Variants in PTPRD observed in about 807,000 individuals in gnomAD.
PTPRD encodes the protein receptor-type tyrosine-protein phosphatase delta.
Under a neutral mutation model 214.5 loss-of-function variants are expected in PTPRD, and 34 were observed. That is an observed-to-expected ratio of 0.16 (90% confidence interval 0.12 to 0.21). PTPRD has a LOEUF of 0.21. Ranked by LOEUF, PTPRD falls within the 10% of genes least tolerant of loss-of-function variation. The pLI, the probability that PTPRD is intolerant of heterozygous loss-of-function variation, is 1.00. For missense variants in PTPRD, 2,545 were observed against 2,398.7 expected (o/e 1.06, Z -1.27); for synonymous variants, 1,128 against 845.7 (o/e 1.33, Z -5.79).
chr9:9,825,864 T>C (rs2052639902), intron 5 of PTPRD, among the ~76,000 whole-genome samples: 1 of 151,814 alleles, frequency 6.6e-6, no homozygotes, highest in Admixed American at 6.6e-5. Context: ...AATTTATTCT[T>C]TTCCATAGGT....
intron 36 of PTPRD, among the ~76,000 whole-genome samples, chr9:8,394,731 C>T (rs2090620723): frequency 6.6e-6 from 1 of 152,140 alleles, no homozygotes; most frequent in Non-Finnish European, 1.5e-5. Flanking sequence ...CTTTGTGTCT[C>T]TCAGATTAGG....
At chr9:9,078,745 G>C (rs766215010) in intron 10 of PTPRD, among the ~76,000 whole-genome samples, 1 of 152,082 alleles carries the variant, frequency 6.6e-6, no homozygotes, top group Non-Finnish European at 1.5e-5. Flanking sequence ...AGAGGACCCA[G>C]TCGATCCTGC....
intron 34 of PTPRD, among the ~76,000 whole-genome samples, chr9:8,447,467 T>C (rs1400816965): frequency 2.6e-5 from 4 of 152,176 alleles, no homozygotes; most frequent in Non-Finnish European, 5.9e-5. Flanking sequence ...CCCAAATACA[T>C]TGGGAAAATT....
chr9:9,875,165 C>T (rs1017488946), intron 5 of PTPRD, among the ~76,000 whole-genome samples: 10 of 152,006 alleles, frequency 6.6e-5, no homozygotes, highest in Non-Finnish European at 1.2e-4. Context: ...GTTCTCTATA[C>T]CTTTGCCTAG....
intron 7 of PTPRD, among the ~76,000 whole-genome samples, chr9:9,617,413 G>A (rs2094940909): frequency 6.6e-6 from 1 of 152,192 alleles, no homozygotes; most frequent in Non-Finnish European, 1.5e-5. Flanking sequence ...TTAGAGTAAA[G>A]TATATAAAGT....
intron 5 of PTPRD, among the ~76,000 whole-genome samples, chr9:9,901,319 C>A (rs960929790): frequency 1.3e-5 from 2 of 152,062 alleles, no homozygotes; most frequent in East Asian, 1.9e-4. Context: ...AACTATTAGA[C>A]CTTCGATGTT....
In PTPRD at chr9:8,379,364, TTC is replaced by T. The variant is rs565879676; in HGVS notation, c.4387-2640_4387-2639del. ...CTCAGTACTTCCTTTCTCGATCTCA[TTC>T]TCTGAGTAGCCTGCACACCTTCATC... On this transcript the variant is annotated intron_variant, in intron 37 of 45. Transcript: ENST00000381196. 1.8e-3 allele frequency among the ~76,000 whole-genome samples: 278 copies of T among 152,192 alleles called. 1 individual carries two copies. The highest frequency in any genetic ancestry group is 6.3e-3 in the African/African-American group (260 of 41,514).
intron 6 of PTPRD, among the ~76,000 whole-genome samples, chr9:9,760,595 A>G (rs1340384571): frequency 8.1e-6 from 1 of 123,570 alleles, no homozygotes; most frequent in Non-Finnish European, 1.6e-5. Flanking sequence ...TTACTCAGCT[A>G]TCATACACAC....
At chr9:10,375,963 T>A (rs2097719871) in intron 2 of PTPRD, among the ~76,000 whole-genome samples, 1 of 152,014 alleles carries the variant, frequency 6.6e-6, no homozygotes, top group Non-Finnish European at 1.5e-5. Flanking sequence ...GTCTCTAGGA[T>A]TTCTTCATTA....
intron 9 of PTPRD, among the ~76,000 whole-genome samples, chr9:9,201,863 T>C (rs934691014): frequency 6.6e-6 from 1 of 152,200 alleles, no homozygotes; most frequent in Admixed American, 6.5e-5. Flanking sequence ...GCAGAAAGCC[T>C]ACAACTGGAA....
rs189340601 is a variant in PTPRD, at chr9:10,008,867, A to C, written c.-472+24851T>G. Among the ~76,000 whole-genome samples the C allele has an allele frequency of 6.5e-3, 990 of 152,180 alleles. 14 individuals carry two copies. Among genetic ancestry groups the C allele is most frequent in the African/African-American group, 0.023 (947 of 41,550 alleles). On this transcript the variant is annotated intron_variant, in intron 4 of 45. Transcript: ENST00000381196. ...AAAGAACCACACTTGCCTCTGGTGAAAAATCAGAAAATGGTTAAAAATGAG... is the reference window on the plus strand; with the variant it reads ...AAAGAACCACACTTGCCTCTGGTGACAAATCAGAAAATGGTTAAAAATGAG...
At chr9:10,557,911 A>C (rs867948381) in intron 2 of PTPRD, among the ~76,000 whole-genome samples, 103 of 152,300 alleles carry the variant, frequency 6.8e-4, no homozygotes, top group African/African-American at 2.4e-3. Flanking sequence ...GACTGTTTTA[A>C]TGAGCCTGTG....
chr9:10,295,864 G>C (rs1393388740), intron 3 of PTPRD, among the ~76,000 whole-genome samples: 1 of 152,008 alleles, frequency 6.6e-6, no homozygotes, highest in African/African-American at 2.4e-5. Flanking sequence ...TGTGTGTGGG[G>C]CTTTCTGTAC....
intron 5 of PTPRD, among the ~76,000 whole-genome samples, chr9:9,920,621 A>G (rs1442324155): frequency 1.3e-5 from 2 of 152,126 alleles, no homozygotes; most frequent in Non-Finnish European, 2.9e-5. Flanking sequence ...GGTAGCCCCT[A>G]GTGGTAGAAG....
chr9:8,474,944 C>A (rs912012347), intron 30 of PTPRD, among the ~76,000 whole-genome samples: 1 of 152,150 alleles, frequency 6.6e-6, no homozygotes, highest in Non-Finnish European at 1.5e-5. Flanking sequence ...CTCCTTCTCT[C>A]TCATATATCT....
chr9:8,683,815 T>C (rs1049824220), intron 12 of PTPRD, among the ~76,000 whole-genome samples: 1 of 152,204 alleles, frequency 6.6e-6, no homozygotes, highest in African/African-American at 2.4e-5. Flanking sequence ...TCATTCTGCC[T>C]TCTTCCCTTT....
intron 9 of PTPRD, among the ~76,000 whole-genome samples, chr9:9,389,439 G>A (rs183991705): frequency 3.9e-5 from 6 of 152,230 alleles, no homozygotes; most frequent in African/African-American, 1.2e-4. Context: ...GAACCCGGGA[G>A]GCAGAGGTTG....
chr9:10,426,931 A>T (rs968697369), intron 2 of PTPRD, among the ~76,000 whole-genome samples: 5 of 152,104 alleles, frequency 3.3e-5, no homozygotes, highest in Non-Finnish European at 7.4e-5. Context: ...TTTTTCAAAC[A>T]TGTTTTAGAA....
At chr9:8,848,145 A>G (rs1271600844) in intron 11 of PTPRD, among the ~76,000 whole-genome samples, 1 of 151,920 alleles carries the variant, frequency 6.6e-6, no homozygotes, top group African/African-American at 2.4e-5. Context: ...ATAGGATAAA[A>G]TTTTAGAGCT....
Sources: allele counts gnomAD v4.1 joint callset (sites outside exome capture counted in the v4.1 genomes callset), GRCh38; gene constraint gnomAD v4.1.1; transcripts MANE v1.5; gene names NCBI Gene and HGNC (gene_info 2026-07-23, HGNC 2026-07-21).